Variants in CYP4F3 observed in about 807,000 individuals in gnomAD.
The protein encoded by CYP4F3 is cytochrome P450 4F3.
In CYP4F3, 50 loss-of-function variants were observed where a neutral mutation model predicts 54.8. That is an observed-to-expected ratio of 0.91 (90% CI 0.73 to 1.16). CYP4F3 has a LOEUF of 1.16. Ranked by LOEUF, CYP4F3 falls within the 50% of genes most tolerant of loss-of-function variation. CYP4F3 has a pLI of 0.00. For synonymous variants in CYP4F3, 244 were observed against 262.6 expected (o/e 0.93, Z 0.69); for missense variants, 715 against 676.2 (o/e 1.06, Z -0.64).
At chr19:15,645,656 T>G (rs984233393) in intron 2 of CYP4F3, 63 bp from the exon 3 acceptor site, 17 of 1,526,062 alleles carry the variant, frequency 1.1e-5, no homozygotes, top group African/African-American at 1.4e-5. Context: ...ACCTCTTCCC[T>G]GCAGATCCTT....
chr19:15,643,115 T>G (rs1011557980), intron 2 of CYP4F3, among the ~76,000 whole-genome samples: 2 of 148,976 alleles, frequency 1.3e-5, no homozygotes, highest in Non-Finnish European at 3.0e-5. Flanking sequence ...GATAGATATA[T>G]AGATAGAAAA....
intron 5 of CYP4F3, 111 bp downstream of exon 5, chr19:15,647,435 C>A (rs977764404): frequency 1.3e-6 from 2 of 1,514,294 alleles, no homozygotes; most frequent in African/African-American, 1.4e-5. Context: ...CATTGTCTTC[C>A]TCTCTGAGCT....
intron 4 of CYP4F3, 25 bp from the exon 5 acceptor site, chr19:15,647,172 C>T (rs772857025): frequency 1.2e-6 from 2 of 1,614,190 alleles, no homozygotes; most frequent in Non-Finnish European, 1.7e-6. Context: ...ATGCCCTTGC[C>T]CATGGCCCTT....
chr19:15,644,872 G>T lies in CYP4F3; in HGVS notation c.199-847G>T, dbSNP rs541291705. Among the ~76,000 whole-genome samples the T allele has an allele frequency of 1.6e-4, 25 of 152,176 alleles. 1 individual carries two copies. Among genetic ancestry groups the T allele is most frequent in the Admixed American group, 7.9e-4 (12 of 15,286 alleles). ...GCCTCAAAATGCTGAGTGACTCTGGGCTGGTTCCCAGCTGTCTCTGGTTAC... is the reference window on the plus strand; with the variant it reads ...GCCTCAAAATGCTGAGTGACTCTGGTCTGGTTCCCAGCTGTCTCTGGTTAC... On this transcript the variant is annotated intron_variant, in intron 2 of 12. Transcript: ENST00000221307.
chr19:15,650,814 CTTTCTTTCTTTCTT>C lies in CYP4F3; in HGVS notation c.918+633_918+646del, dbSNP rs1226038918. Among the ~76,000 whole-genome samples the C allele has an allele frequency of 1.6e-4, 6 of 36,542 alleles. 2 individuals are homozygous for C. In the Admixed American group the frequency reaches 1.8e-3, roughly 11 times the overall value. 24.0% of individuals were successfully genotyped at this position (36,542 alleles called of 152,430 possible). A position where few individuals can be genotyped will look rare whatever the true frequency, so the allele number is the denominator to read the frequency against. ...TTCTTTCTTTCTCTCTCTTCTCTTTCTTTCTTTCTTTCTTTCTTTCTTTCTTTCTTTCTTTCTTT... is the reference window on the plus strand; with the variant it reads ...TTCTTTCTTTCTCTCTCTTCTCTTTCTCTTTCTTTCTTTCTTTCTTTCTTT... On this transcript the variant is annotated intron_variant, in intron 7 of 12. Coordinates refer to ENST00000221307, the MANE Select transcript of CYP4F3 (RefSeq NM_000896.3).
rs1415425545 is a variant in CYP4F3, at chr19:15,649,628, GC to G, written c.648-284del. Among the ~76,000 whole-genome samples the G allele has an allele frequency of 4.6e-5, 7 of 152,074 alleles. No individual in the cohort carries two copies. In the East Asian group the frequency reaches 1.3e-3, roughly 29 times the overall value. On this transcript the variant is annotated intron_variant, in intron 6 of 12. Coordinates refer to ENST00000221307, the MANE Select transcript of CYP4F3 (RefSeq NM_000896.3). ...TGGACAGCTTCAGGAAGGAGAAGGG[GC>G]AAGACTGTATACTGGGAGGGAGAGA...
intron 2 of CYP4F3, chr19:15,643,970 T>G (rs779711651): frequency 6.2e-7 from 1 of 1,607,556 alleles, no homozygotes; most frequent in Non-Finnish European, 8.5e-7. Flanking sequence ...CCCCCAGGGC[T>G]TTAAGGTCTG....
In CYP4F3 at chr19:15,652,846, C is replaced by G. The variant is rs763564905; in HGVS notation, c.1009C>G (p.Leu337Val). Residue 337 changes from leucine (L) to valine (V), a missense_variant, in exon 9 of 13, where the codon CTC becomes GTC. Coordinates refer to ENST00000221307, the MANE Select transcript of CYP4F3 (RefSeq NM_000896.3). Reference sequence around the variant, plus strand: ...AGGCCATGACACCACAGCCAGTGGTCTCTCCTGGGTCCTGTACCACCTTGC... The same window carrying G: ...AGGCCATGACACCACAGCCAGTGGTGTCTCCTGGGTCCTGTACCACCTTGC... ...FEGHDTTASGLSWVLYHLAKH... is the reference protein window; with the variant it reads ...FEGHDTTASGVSWVLYHLAKH... The G allele has an allele frequency of 1.3e-5, 21 of 1,613,260 alleles. No individual in the cohort carries two copies. Among genetic ancestry groups the G allele is most frequent in the Non-Finnish European group, 1.8e-5 (21 of 1,179,606 alleles).
At position 15,659,241 on chromosome 19, in the gene CYP4F3, C is replaced by T. The variant is rs140820169; in HGVS notation, c.1419C>T (p.Phe473=). The T allele has an allele frequency of 5.3e-4, 848 of 1,610,906 alleles. 1 individual carries two copies. In the African/African-American group the frequency reaches 7.2e-3, roughly 14 times the overall value. Residue 473 remains phenylalanine (F), a synonymous_variant, in exon 13 of 13, where the codon TTC becomes TTT. Coordinates refer to ENST00000221307, the MANE Select transcript of CYP4F3 (RefSeq NM_000896.3). ...CAAGGAACTGCATCGGGCAGGCGTT[C>T]GCGATGGCGGAGATGAAGGTGGTCC... is the stretch of plus-strand genomic sequence containing the variant. ...AGPRNCIGQA[F]AMAEMKVVLG...
At chr19:15,644,720 C>T (rs1972574435) in intron 2 of CYP4F3, among the ~76,000 whole-genome samples, 1 of 152,168 alleles carries the variant, frequency 6.6e-6, no homozygotes, top group African/African-American at 2.4e-5. Flanking sequence ...TGCTCTAGGC[C>T]CTGGGAATCT....
chr19:15,641,704 G>A, intron 2 of CYP4F3, 91 bp downstream of exon 2: 4 of 1,301,512 alleles, frequency 3.1e-6, no homozygotes, highest in Non-Finnish European at 4.4e-6. Context: ...GGGGTGGGCT[G>A]GGGTCTGGGG....
intron 7 of CYP4F3, among the ~76,000 whole-genome samples, chr19:15,652,104 A>T (rs1972874042): frequency 6.6e-6 from 1 of 152,122 alleles, no homozygotes; most frequent in African/African-American, 2.4e-5. Context: ...CAGCTTTGTG[A>T]GAGATTATGT....
intron 2 of CYP4F3, chr19:15,643,772 C>A (rs1972543610): frequency 2.6e-6 from 3 of 1,170,140 alleles, no homozygotes; most frequent in African/African-American, 1.6e-5. Context: ...CCTCAGTTTA[C>A]CAAATTGAAT....
chr19:15,649,774 C>A, intron 6 of CYP4F3, 139 bp from the exon 7 acceptor site: 2 of 1,262,076 alleles, frequency 1.6e-6, no homozygotes, highest in Non-Finnish European at 2.2e-6. Context: ...ATGCTGATCC[C>A]CATCCTGCAT....
At chr19:15,643,191 G>A (rs1972516961) in intron 2 of CYP4F3, among the ~76,000 whole-genome samples, 1 of 150,732 alleles carries the variant, frequency 6.6e-6, no homozygotes, top group African/African-American at 2.4e-5. Context: ...ATAGATAATA[G>A]GCTAGATGGA....
At chr19:15,658,660 C>T in intron 11 of CYP4F3, 67 bp from the exon 12 acceptor site, 1 of 1,609,470 alleles carries the variant, frequency 6.2e-7, no homozygotes, top group Non-Finnish European at 8.5e-7. Context: ...AGACACACAC[C>T]ACTGTCTCTC....
chr19:15,641,697 GT>G (rs1237385521), intron 2 of CYP4F3, 84 bp downstream of exon 2: 3 of 1,301,602 alleles, frequency 2.3e-6, no homozygotes, highest in Non-Finnish European at 3.3e-6. Flanking sequence ...GTGAGAGGGG[GT>G]GGGCTGGGGT....
In CYP4F3 at chr19:15,650,676, C is replaced by CTTTCTTTCTTTCTTTCTTTCTTT. The variant is rs1191713442; in HGVS notation, c.918+494_918+516dup. On this transcript the variant is annotated intron_variant, in intron 7 of 12. Transcript: ENST00000221307. ...CTGCCTTCTTTTTCTTTCTTTCTTT[C>CTTTCTTTCTTTCTTTCTTTCTTT]TTTCTTTCTTTCTTTCTTTCTTTCT... 9.0e-3 allele frequency among the ~76,000 whole-genome samples: 452 copies of CTTTCTTTCTTTCTTTCTTTCTTT among 50,390 alleles called. 36 individuals carry two copies. The highest frequency in any genetic ancestry group is 0.047 in the East Asian group (46 of 988). The allele number at this position is 50,390 out of a possible 152,430, so 33.1% of individuals were successfully genotyped here. A position where few individuals can be genotyped will look rare whatever the true frequency, so the allele number is the denominator to read the frequency against.
chr19:15,658,850 G>T (rs749016188), intron 12 of CYP4F3, 41 bp downstream of exon 12: 2 of 1,609,132 alleles, frequency 1.2e-6, no homozygotes, highest in South Asian at 2.2e-5. Context: ...GGGGAGATAG[G>T]TGCAGGGGTC....
Sources: gnomAD v4.1 joint callset for allele counts (sites outside exome capture counted in the v4.1 genomes callset) on GRCh38, gnomAD v4.1.1 for gene constraint, MANE v1.5 for transcripts, NCBI Gene and HGNC (gene_info 2026-07-23, HGNC 2026-07-21) for gene names.